KLF11: variants seen among roughly 807,000 people sequenced by gnomAD.
The protein encoded by KLF11 is Krueppel-like factor 11.
Under a neutral mutation model 29.9 loss-of-function variants are expected in KLF11, and 26 were observed. The ratio of observed to expected loss-of-function variants is 0.87; its 90% CI spans 0.64 to 1.21. The LOEUF is 1.21. Ranked by LOEUF, KLF11 falls within the 50% of genes most tolerant of loss-of-function variation. The probability of loss-of-function intolerance (pLI) is 0.00; values close to 1 mark genes in which losing one functional copy is unlikely to be tolerated. For missense variants in KLF11, 778 were observed against 665.7 expected (o/e 1.17, Z -1.86); for synonymous variants, 318 against 257.4 (o/e 1.24, Z -2.25).
rs570066794 is a variant in KLF11, at chr2:10,047,433, G to A, written c.313-217G>A. 1.7e-3 allele frequency among the ~76,000 whole-genome samples: 252 copies of A among 152,310 alleles called. 1 individual carries two copies. Among genetic ancestry groups the A allele is most frequent in the Non-Finnish European group, 3.1e-3 (210 of 68,032 alleles). On this transcript the variant is annotated intron_variant, in intron 2 of 3. Transcript: ENST00000305883. The stretch of plus-strand genomic sequence containing the variant: ...CCAGGAGCTCCTCTCAGAGTTCCCT[G>A]CACTGGGCTCTTGTGTAGGTTTGGG...
rs1661477889 is a variant in KLF11 at position 10,053,698 on chromosome 2, T to A, written c.*1191T>A. ...TGACCAAACAGAAAATTACTTGGAA[T>A]GGTGTGTTTTACAGTCTACCTAGAA... is the stretch of plus-strand genomic sequence containing the variant. On this transcript the variant is annotated 3_prime_UTR_variant, in exon 4 of 4. Transcript: ENST00000305883. 1 of 319,212 alleles carries A rather than the reference T, an allele frequency of 3.1e-6. No individual in the cohort carries two copies. Among genetic ancestry groups the A allele is most frequent in the Non-Finnish European group, 5.7e-6 (1 of 176,110 alleles). The allele number at this position is 319,212 out of a possible 1,614,324, so 19.8% of individuals were successfully genotyped here.
chr2:10,046,030 A>T, intron 1 of KLF11, 120 bp from the exon 2 acceptor site: 1 of 1,110,140 alleles, frequency 9.0e-7, no homozygotes, highest in South Asian at 1.2e-5. Context: ...GTTGCTATAG[A>T]CTATTGCATG....
In KLF11 at chr2:10,052,698, G is replaced by T; in HGVS notation, c.*191G>T. On this transcript the variant is annotated 3_prime_UTR_variant, in exon 4 of 4. Transcript: ENST00000305883. ...CTTGGGACCCTGTTCAGTATCTTTT[G>T]TAGTTTCAGAAGTTTTTTTGTTTTG... 9.8e-6 allele frequency: 5 copies of T among 512,718 alleles called. No individual in the cohort carries two copies. Among genetic ancestry groups the T allele is most frequent in the Non-Finnish European group, 1.3e-5 (4 of 298,296 alleles). 31.8% of individuals were successfully genotyped at this position (512,718 alleles called of 1,614,324 possible).
chr2:10,045,556 C>T lies in KLF11; in HGVS notation c.43-594C>T, dbSNP rs551576305. 5.6e-4 allele frequency among the ~76,000 whole-genome samples: 86 copies of T among 152,322 alleles called. 1 individual carries two copies. The highest frequency in any genetic ancestry group is 8.8e-5 in the Non-Finnish European group (6 of 68,026). On this transcript the variant is annotated intron_variant, in intron 1 of 3. Coordinates refer to ENST00000305883, the MANE Select transcript of KLF11 (RefSeq NM_003597.5). ...TTCGCGGCAGGTTGGCTTCTTGTCA[C>T]CACCTGCTAGCCTTGGGACAGTAAC...
At chr2:10,050,067 C>T (rs1253840324) in intron 3 of KLF11, among the ~76,000 whole-genome samples, 2 of 152,160 alleles carry the variant, frequency 1.3e-5, no homozygotes, top group East Asian at 3.9e-4. Flanking sequence ...GACAGAATGA[C>T]CTGCAGTGAT....
chr2:10,044,377 C>T (rs1661111852), intron 1 of KLF11: 17 of 985,542 alleles, frequency 1.7e-5, no homozygotes, highest in Non-Finnish European at 1.2e-6. Flanking sequence ...GGGAGGTAGC[C>T]GTGGACGTGG....
intron 3 of KLF11, among the ~76,000 whole-genome samples, chr2:10,051,866 G>A (rs1398578811): frequency 1.3e-5 from 2 of 152,134 alleles, no homozygotes; most frequent in African/African-American, 4.8e-5. Flanking sequence ...TAAAGATTGG[G>A]TTTTACTTTG....
In KLF11 at chr2:10,043,637, G is replaced by C; in HGVS notation, c.-80G>C. On this transcript the variant is annotated 5_prime_UTR_variant, in exon 1 of 4. Coordinates refer to ENST00000305883, the MANE Select transcript of KLF11 (RefSeq NM_003597.5). Reference sequence around the variant, plus strand: ...GCTCCGGGTTGCCGCCGCCGCCGCCGCCCGCAGCCCACGTGCGGCCGCTGC... The same window carrying C: ...GCTCCGGGTTGCCGCCGCCGCCGCCCCCCGCAGCCCACGTGCGGCCGCTGC... The C allele has an allele frequency of 3.1e-6, 3 of 955,274 alleles. No homozygotes were observed. Among genetic ancestry groups the C allele is most frequent in the Non-Finnish European group, 3.8e-6 (3 of 787,250 alleles). 59.2% of individuals were successfully genotyped at this position (955,274 alleles called of 1,614,324 possible). A position where few individuals can be genotyped will look rare whatever the true frequency, so the allele number is the denominator to read the frequency against.
At chr2:10,043,826 G>C in intron 1 of KLF11, 68 bp downstream of exon 1, 1 of 1,300,252 alleles carries the variant, frequency 7.7e-7, no homozygotes, top group Non-Finnish European at 1.0e-6. Flanking sequence ...GAAGTGGTGC[G>C]GCACTCGCGC....
chr2:10,052,368 AC>A lies in KLF11; in HGVS notation c.1402del (p.His468ThrfsTer2). ...TGTGACCGACGTTTCATGCGCAGTG[AC>A]CACCTGACGAAGCATGCCCGGCGCC... ...PVCDRRFMRS[D>X]HLTKHARRHM... On this transcript the variant is annotated frameshift_variant, in exon 4 of 4. Transcript: ENST00000305883. LOFTEE classifies it low-confidence loss of function (END_TRUNC). 6.2e-7 allele frequency: 1 copy of A among 1,614,034 alleles called. No individual in the cohort carries two copies. Among genetic ancestry groups the A allele is most frequent in the South Asian group, 1.1e-5 (1 of 91,068 alleles).
rs929178379 is a variant in KLF11 at position 10,052,709 on chromosome 2, A to G, written c.*202A>G. 4.3e-6 allele frequency: 2 copies of G among 459,872 alleles called. No individual in the cohort carries two copies. Among genetic ancestry groups the G allele is most frequent in the Admixed American group, 9.0e-5 (2 of 22,174 alleles). The allele number at this position is 459,872 out of a possible 1,614,324, so 28.5% of individuals were successfully genotyped here. A position where few individuals can be genotyped will look rare whatever the true frequency, so the allele number is the denominator to read the frequency against. On this transcript the variant is annotated 3_prime_UTR_variant, in exon 4 of 4. Coordinates refer to ENST00000305883, the MANE Select transcript of KLF11 (RefSeq NM_003597.5). ...GTTCAGTATCTTTTGTAGTTTCAGAAGTTTTTTTGTTTTGGTTTTTTTTTT... is the reference window on the plus strand; with the variant it reads ...GTTCAGTATCTTTTGTAGTTTCAGAGGTTTTTTTGTTTTGGTTTTTTTTTT...
intron 1 of KLF11, among the ~76,000 whole-genome samples, chr2:10,044,883 C>A (rs915075023): frequency 6.6e-6 from 1 of 152,138 alleles, no homozygotes; most frequent in Non-Finnish European, 1.5e-5. Context: ...CGGTGGCTCA[C>A]GTCTGTAATC....
chr2:10,051,049 G>A (rs1024396281), intron 3 of KLF11, among the ~76,000 whole-genome samples: 1 of 150,242 alleles, frequency 6.7e-6, no homozygotes, highest in Non-Finnish European at 1.5e-5. Flanking sequence ...TGGGATTACA[G>A]GTGCCAGCTA....
intron 1 of KLF11, chr2:10,044,329 G>C: frequency 1.0e-6 from 1 of 984,900 alleles, no homozygotes; most frequent in Non-Finnish European, 1.2e-6. Flanking sequence ...CGGCACGCGA[G>C]CGTTGGGGGC....
rs1226414748 is a variant in KLF11, at chr2:10,047,896, T to C, written c.559T>C (p.Phe187Leu). The C allele has an allele frequency of 1.2e-6, 2 of 1,613,678 alleles. No individual in the cohort carries two copies. Among genetic ancestry groups the C allele is most frequent in the Non-Finnish European group, 1.7e-6 (2 of 1,180,040 alleles). The change falls in exon 3 of 4, where the codon TTT becomes CTT. Residue 187 changes from phenylalanine (F) to leucine (L), a missense_variant. Phe to Leu is a conservative substitution (Grantham distance 22). Transcript: ENST00000305883. ...RHTGESPAAC[F>L]PTIQTPDCRL... ...CACTGGGGAGAGCCCTGCTGCCTGC[T>C]TTCCCACCATCCAGACTCCAGATTG...
At chr2:10,043,850 G>A (rs1661074484) in intron 1 of KLF11, 92 bp downstream of exon 1, 14 of 1,250,840 alleles carry the variant, frequency 1.1e-5, no homozygotes, top group Non-Finnish European at 1.4e-5. Context: ...TGTAAATGCG[G>A]GAGGTGGGGC....
intron 2 of KLF11, 48 bp from the exon 3 acceptor site, chr2:10,047,602 C>T (rs1307967370): frequency 3.6e-5 from 53 of 1,461,424 alleles, no homozygotes; most frequent in Middle Eastern, 1.7e-4. Flanking sequence ...GAATTAAATC[C>T]CTTTTAAAAT....
rs1661205429 is a variant in KLF11, at chr2:10,046,420, G to C, written c.312+1G>C. ...AGACTTCCATTCTTTATCGACTCTG[G>C]TAAGAGGAGGTGGGAGGGAGGAGCG... On this transcript the variant is annotated splice_donor_variant, in intron 2 of 3. Coordinates refer to ENST00000305883, the MANE Select transcript of KLF11 (RefSeq NM_003597.5). LOFTEE classifies it high-confidence loss of function. The C allele has an allele frequency of 6.2e-7, 1 of 1,613,700 alleles. No homozygotes were observed. Among genetic ancestry groups the C allele is most frequent in the Non-Finnish European group, 8.5e-7 (1 of 1,180,042 alleles).
Position 10,052,830 on chromosome 2 carries a change from T to C in KLF11, c.*323T>C, listed in dbSNP as rs1572447502. On this transcript the variant is annotated 3_prime_UTR_variant, in exon 4 of 4. Coordinates refer to ENST00000305883, the MANE Select transcript of KLF11 (RefSeq NM_003597.5). ...CAAAATCTGGATTTTTACAACCTTTTCTATTGATGTTTTGTAGAAATAAGA... is the reference window on the plus strand; with the variant it reads ...CAAAATCTGGATTTTTACAACCTTTCCTATTGATGTTTTGTAGAAATAAGA... 7.7e-6 allele frequency: 3 copies of C among 389,244 alleles called. No individual in the cohort carries two copies. In the East Asian group the frequency reaches 1.3e-4, roughly 17 times the overall value. 24.1% of individuals were successfully genotyped at this position (389,244 alleles called of 1,614,324 possible).
Sources: allele counts gnomAD v4.1 joint callset (sites outside exome capture counted in the v4.1 genomes callset), GRCh38; gene constraint gnomAD v4.1.1; transcripts MANE v1.5; gene names NCBI Gene and HGNC (gene_info 2026-07-23, HGNC 2026-07-21).